NR4A3: variants seen among roughly 807,000 people sequenced by gnomAD.
NR4A3 encodes the protein nuclear receptor subfamily 4 group A member 3.
A neutral mutation model predicts 55.6 loss-of-function variants in NR4A3; 13 were observed. The ratio of observed to expected loss-of-function variants is 0.23; its 90% confidence interval spans 0.15 to 0.37. The LOEUF (loss-of-function observed/expected upper bound fraction) is 0.37, where lower values mean the gene tolerates loss of function less well. Among genes scored for constraint, NR4A3 ranks in the 10% least tolerant of loss-of-function variants. NR4A3 has a pLI of 1.00. For missense variants in NR4A3, 646 were observed against 822.8 expected, an observed-to-expected ratio of 0.79 and a Z score of 2.63; for synonymous variants, 342 against 357.9, an observed-to-expected ratio of 0.96 and a Z score of 0.50.
At chr9:99,824,274 C>T (rs1035767938) in intron 1 of NR4A3, among the ~76,000 whole-genome samples, 1 of 152,138 alleles carries the variant, frequency 6.6e-6, no homozygotes, top group Non-Finnish European at 1.5e-5. Context: ...TGGGGAGAGG[C>T]GGTCCCCGCC....
At chr9:99,856,018 A>G (rs1034360056) in intron 7 of NR4A3, among the ~76,000 whole-genome samples, 4 of 152,108 alleles carry the variant, frequency 2.6e-5, no homozygotes, top group African/African-American at 9.7e-5. Context: ...GGAACTACAT[A>G]TAGCAGCGGT....
chr9:99,860,200 T>G (rs1308053530), intron 7 of NR4A3, among the ~76,000 whole-genome samples: 1 of 147,196 alleles, frequency 6.8e-6, no homozygotes. Context: ...TACTCTTTAT[T>G]TAATGTTGTA....
chr9:99,858,334 CCTT>C (rs1827961331), intron 7 of NR4A3, among the ~76,000 whole-genome samples: 1 of 152,220 alleles, frequency 6.6e-6, no homozygotes, highest in South Asian at 2.1e-4. Flanking sequence ...CCCCCTGACT[CCTT>C]CTTCCCTGGT....
chr9:99,836,324 A>T (rs1827560103), intron 5 of NR4A3, among the ~76,000 whole-genome samples: 1 of 152,240 alleles, frequency 6.6e-6, no homozygotes, highest in African/African-American at 2.4e-5. Flanking sequence ...TGTTAAGAAG[A>T]TCTGGGGAGT....
At chr9:99,863,497 C>A (rs1828043200) in intron 7 of NR4A3, 123 bp from the exon 8 acceptor site, 4 of 1,162,298 alleles carry the variant, frequency 3.4e-6, no homozygotes, top group Non-Finnish European at 4.9e-6. Context: ...ACAGGGAGGG[C>A]ACTTTGATTG....
chr9:99,835,553 T>A (rs199914472), intron 5 of NR4A3, among the ~76,000 whole-genome samples: 1 of 152,236 alleles, frequency 6.6e-6, no homozygotes, highest in African/African-American at 2.4e-5. Context: ...TAGCACTGCC[T>A]AGGCTAAGGC....
intron 1 of NR4A3, among the ~76,000 whole-genome samples, chr9:99,823,287 G>T (rs566199234): frequency 5.9e-5 from 9 of 152,246 alleles, no homozygotes; most frequent in African/African-American, 1.9e-4. Flanking sequence ...TCATGCGAGC[G>T]CAGCCTGCGG....
At chr9:99,831,835 G>A (rs1278783507) in intron 3 of NR4A3, among the ~76,000 whole-genome samples, 2 of 152,084 alleles carry the variant, frequency 1.3e-5, no homozygotes, top group African/African-American at 2.4e-5. Flanking sequence ...CAAATTATAT[G>A]GATTCTGAAA....
Position 99,847,675 on chromosome 9 carries a change from A to G in NR4A3, c.1633+60A>G, listed in dbSNP as rs571255947. 5 of 1,543,346 alleles carry G rather than the reference A, an allele frequency of 3.2e-6. No homozygotes were observed. In the South Asian group the frequency reaches 4.7e-5, roughly 14 times the overall value. ...TCTCTCCTTCCCTTTGTTATGGTGG[A>G]ATCTGGCCTTGACCACTACACACAC... is the stretch of plus-strand genomic sequence containing the variant. On this transcript the variant is annotated intron_variant, in intron 7 of 7. Coordinates refer to ENST00000395097, the MANE Select transcript of NR4A3 (RefSeq NM_006981.4).
At chr9:99,855,156 C>T (rs1041101911) in intron 7 of NR4A3, among the ~76,000 whole-genome samples, 1 of 151,762 alleles carries the variant, frequency 6.6e-6, no homozygotes, top group Non-Finnish European at 1.5e-5. Flanking sequence ...TATAAGAATG[C>T]TTGTGATTTT....
intron 7 of NR4A3, among the ~76,000 whole-genome samples, chr9:99,860,842 T>C (rs142079528): frequency 2.8e-4 from 42 of 152,380 alleles, no homozygotes; most frequent in African/African-American, 1.0e-3. Context: ...GATTATTCCA[T>C]GTGTATAGCA....
In NR4A3 at chr9:99,863,630, G is replaced by A. The variant is rs540967807; in HGVS notation, c.1644G>A (p.Gly548=). Residue 548 remains glycine (G), a synonymous_variant, in exon 8 of 8, where the codon GGG becomes GGA. Coordinates refer to ENST00000395097, the MANE Select transcript of NR4A3 (RefSeq NM_006981.4). ...TCTATCCCTCTGCAGAAAGACATGG[G>A]TTAAAAGAACCAAAGAGAGTCGAAG... The part of the protein sequence containing the change: ...SALSMITERH[G]LKEPKRVEEL... 2 of 1,613,680 alleles carry A rather than the reference G, an allele frequency of 1.2e-6. No individual in the cohort carries two copies. Among genetic ancestry groups the A allele is most frequent in the African/African-American group, 2.7e-5 (2 of 74,986 alleles).
At position 99,822,367 on chromosome 9, in the gene NR4A3, C is replaced by A. The variant is rs1045241451; in HGVS notation, c.-217C>A. On this transcript the variant is annotated 5_prime_UTR_variant, in exon 1 of 8. Transcript: ENST00000395097. This position sits in a 1 kb window ranked among gnomAD's most constrained non-coding sequence, Gnocchi z 4.9. ...CCAGTGCAGATTTCGGGACAGCTCT[C>A]TAGAAACTCGCTCTAAAGACGGAAC... 6.6e-6 allele frequency: 1 copy of A among 152,340 alleles called. No homozygotes were observed. The allele number at this position is 152,340 out of a possible 1,614,324, so 9.4% of individuals were successfully genotyped here. A position where few individuals can be genotyped will look rare whatever the true frequency, so the allele number is the denominator to read the frequency against.
At chr9:99,851,455 G>T (rs1827847983) in intron 7 of NR4A3, among the ~76,000 whole-genome samples, 1 of 151,940 alleles carries the variant, frequency 6.6e-6, no homozygotes. Flanking sequence ...AAAAGGAAAT[G>T]GCATCTTAGA....
At chr9:99,841,732 TGG>T (rs748013375) in intron 5 of NR4A3, among the ~76,000 whole-genome samples, 2 of 146,458 alleles carry the variant, frequency 1.4e-5, no homozygotes, top group Non-Finnish European at 3.1e-5. Flanking sequence ...GTAGGCAATA[TGG>T]GAGTTCAAGA....
chr9:99,837,846 T>G (rs535304567), intron 5 of NR4A3, among the ~76,000 whole-genome samples: 5 of 152,350 alleles, frequency 3.3e-5, no homozygotes, highest in Admixed American at 6.5e-5. Context: ...TTAATCTTCA[T>G]GTACTAGCAT....
intron 4 of NR4A3, 21 bp from the exon 5 acceptor site, chr9:99,833,261 C>A (rs1827483651): frequency 1.3e-6 from 2 of 1,558,126 alleles, no homozygotes; most frequent in Non-Finnish European, 1.7e-6. Context: ...AGATTGTTTT[C>A]TTTGTCTCTT....
At chr9:99,855,106 T>A (rs1303431557) in intron 7 of NR4A3, among the ~76,000 whole-genome samples, 41 of 150,662 alleles carry the variant, frequency 2.7e-4, no homozygotes. Context: ...TGAATGGGAG[T>A]TCACCCATGA....
At chr9:99,837,221 C>A (rs1025395802) in intron 5 of NR4A3, among the ~76,000 whole-genome samples, 2 of 152,134 alleles carry the variant, frequency 1.3e-5, no homozygotes, top group Non-Finnish European at 2.9e-5. Context: ...GACTCCAGCT[C>A]TGTGTGGTAT....
Sources: gnomAD v4.1 joint callset for allele counts (sites outside exome capture counted in the v4.1 genomes callset) on GRCh38, gnomAD v4.1.1 for gene constraint, Gnocchi (gnomAD v3.1) non-coding constraint, MANE v1.5 for transcripts, NCBI Gene and HGNC (gene_info 2026-07-23, HGNC 2026-07-21) for gene names.